CLTC: variants seen among roughly 807,000 people sequenced by gnomAD.
CLTC encodes clathrin heavy chain 1.
In CLTC, 16 loss-of-function variants were observed where a neutral mutation model predicts 195.8. The observed-to-expected ratio is 0.08, with a 90% CI of 0.06 to 0.12. The LOEUF (loss-of-function observed/expected upper bound fraction) is 0.12, where lower values mean the gene tolerates loss of function less well. CLTC is among the 10% of genes least tolerant of loss of function. The pLI, the probability that CLTC is intolerant of heterozygous loss-of-function variation, is 1.00. For synonymous variants in CLTC, 667 were observed against 689.4 expected (o/e 0.97, Z 0.51); for missense variants, 796 against 2,027.0 (o/e 0.39, Z 11.66).
In CLTC at chr17:59,666,026, A is replaced by G. The variant is rs538386470; in HGVS notation, c.1645-77A>G. 2.1e-4 allele frequency: 229 copies of G among 1,101,912 alleles called. 3 individuals carry two copies. The South Asian group carries it at 2.7e-3, about 13-fold the overall frequency. 68.3% of individuals were successfully genotyped at this position (1,101,912 alleles called of 1,614,324 possible). On this transcript the variant is annotated intron_variant, in intron 10 of 31. Transcript: ENST00000269122. The surrounding 1 kb of genome is among the most constrained non-coding windows in gnomAD (Gnocchi z 4.9). Reference sequence around the variant, plus strand: ...GTCCAAATAAAATTCTCAGGTAAAGAAAGAGTTCATGCATAATTTTGTCTA... The same window carrying G: ...GTCCAAATAAAATTCTCAGGTAAAGGAAGAGTTCATGCATAATTTTGTCTA...
At chr17:59,677,462 T>C (rs974568068) in intron 17 of CLTC, among the ~76,000 whole-genome samples, 1 of 152,232 alleles carries the variant, frequency 6.6e-6, no homozygotes, top group African/African-American at 2.4e-5. Context: ...TTCATACATA[T>C]GTGTATACAC....
At chr17:59,643,132 GGT>G (rs59380117) in intron 1 of CLTC, among the ~76,000 whole-genome samples, 4,000 of 142,152 alleles carry the variant, frequency 0.028, 136 homozygotes, top group African/African-American at 0.091. Context: ...TCTTTTCTGG[GGT>G]GTGTGTGTGT....
In CLTC at chr17:59,682,354, G is replaced by T; in HGVS notation, c.3526G>T (p.Ala1176Ser). Residue 1176 changes from alanine (A) to serine (S), a missense_variant, in exon 22 of 32, where the codon GCA (alanine) becomes TCA (serine). Physicochemically the swap from Ala to Ser is moderately conservative, Grantham distance 99 (BLOSUM62 1). Transcript: ENST00000269122. This position sits in a 1 kb window ranked among gnomAD's most constrained non-coding sequence, Gnocchi z 6.8. ...ESYVETELIF[A>S]LAKTNRLAEL... ...CTATGTGGAGACAGAACTGATATTCGCACTGGCTAAAACAAACCGCCTTGC... is the reference window on the plus strand; with the variant it reads ...CTATGTGGAGACAGAACTGATATTCTCACTGGCTAAAACAAACCGCCTTGC... 6.2e-7 allele frequency: 1 copy of T among 1,614,064 alleles called. No homozygotes were observed. Among genetic ancestry groups the T allele is most frequent in the East Asian group, 2.2e-5 (1 of 44,876 alleles).
rs772486435 is a variant in CLTC, at chr17:59,681,705, A to G, written c.3308A>G (p.Asn1103Ser). Residue 1103 changes from asparagine to serine, a missense_variant, in exon 21 of 32, where the codon AAT (asparagine) becomes AGT (serine). Asn to Ser is a conservative substitution (Grantham distance 46). Transcript: ENST00000269122. This position sits in a 1 kb window ranked among gnomAD's most constrained non-coding sequence, Gnocchi z 5.0. ...DRAYEFAERC[N>S]EPAVWSQLAK... The stretch of plus-strand genomic sequence containing the variant: ...GCATATGAGTTTGCTGAACGTTGCA[A>G]TGAACCTGCGGTCTGGAGTCAACTT... 4.3e-6 allele frequency: 7 copies of G among 1,613,952 alleles called. No individual in the cohort carries two copies. Among genetic ancestry groups the G allele is most frequent in the African/African-American group, 1.3e-5 (1 of 74,912 alleles).
chr17:59,690,829 C>A, intron 31 of CLTC, 118 bp downstream of exon 31: 1 of 626,628 alleles, frequency 1.6e-6, no homozygotes, highest in Non-Finnish European at 2.7e-6. Context: ...CTAAGAAATA[C>A]TGCTCTCTAC....
chr17:59,624,375 T>C (rs539047036), intron 1 of CLTC, among the ~76,000 whole-genome samples: 1 of 151,976 alleles, frequency 6.6e-6, no homozygotes, highest in Non-Finnish European at 1.5e-5. Flanking sequence ...AACAATGTGG[T>C]ATAGTAGACA....
Position 59,696,935 on chromosome 17 carries a change from G to C in CLTC, c.*3083G>C, listed in dbSNP as rs1193499133. ...GGTGAACATGAAACACTGCACAGTA[G>C]GTTGTATCAATGCTATAAAACTCAA... On this transcript the variant is annotated 3_prime_UTR_variant, in exon 32 of 32. Transcript: ENST00000269122. The C allele has an allele frequency of 5.0e-6, 1 of 198,666 alleles. No individual in the cohort carries two copies. Among genetic ancestry groups the C allele is most frequent in the Non-Finnish European group, 1.0e-5 (1 of 95,668 alleles). 12.3% of individuals were successfully genotyped at this position (198,666 alleles called of 1,614,324 possible). A position where few individuals can be genotyped will look rare whatever the true frequency, so the allele number is the denominator to read the frequency against.
intron 17 of CLTC, among the ~76,000 whole-genome samples, chr17:59,678,922 A>G (rs1334850429): frequency 6.6e-6 from 1 of 152,180 alleles, no homozygotes; most frequent in African/African-American, 2.4e-5. Context: ...GGATCACTTG[A>G]GCCCAGGAGG....
chr17:59,622,696 ATCTTTGG>A (rs1324267008), intron 1 of CLTC, among the ~76,000 whole-genome samples: 5 of 152,188 alleles, frequency 3.3e-5, no homozygotes, highest in Admixed American at 2.0e-4. Context: ...TTTAATTGGC[ATCTTTGG>A]TCTTTGACCT....
Position 59,685,862 on chromosome 17 carries a change from A to G in CLTC, c.4827+54A>G. On this transcript the variant is annotated intron_variant, in intron 30 of 31. Transcript: ENST00000269122. This position sits in a 1 kb window ranked among gnomAD's most constrained non-coding sequence, Gnocchi z 5.0. The stretch of plus-strand genomic sequence containing the variant: ...CTAGTTTCCTTGCATGTAAAATTCT[A>G]CATGCACATTAATTTTTTTAAATGC... 7.7e-7 allele frequency: 1 copy of G among 1,290,756 alleles called. No individual in the cohort carries two copies. The highest frequency in any genetic ancestry group is 1.4e-5 in the South Asian group (1 of 70,396). The allele number at this position is 1,290,756 out of a possible 1,614,324, so 80.0% of individuals were successfully genotyped here.
At position 59,645,372 on chromosome 17, in the gene CLTC, C is replaced by T. The variant is rs142868307; in HGVS notation, c.250+889C>T. On this transcript the variant is annotated intron_variant, in intron 2 of 31. Transcript: ENST00000269122. ...TATTCAGACTAACTTTTTAATTGTCCCAACAAGGGAACTGTGCAGCTTAAG... is the reference window on the plus strand; with the variant it reads ...TATTCAGACTAACTTTTTAATTGTCTCAACAAGGGAACTGTGCAGCTTAAG... Among the ~76,000 whole-genome samples, 333 of 152,124 alleles carry T rather than the reference C, an allele frequency of 2.2e-3. 3 individuals are homozygous for T. The highest frequency in any genetic ancestry group is 7.6e-3 in the African/African-American group (317 of 41,496).
chr17:59,631,593 G>A (rs1035737997), intron 1 of CLTC, among the ~76,000 whole-genome samples: 1 of 152,194 alleles, frequency 6.6e-6, no homozygotes, highest in Non-Finnish European at 1.5e-5. Flanking sequence ...AATTGGTTCT[G>A]AAATCAGTTA....
intron 10 of CLTC, among the ~76,000 whole-genome samples, chr17:59,665,412 T>C (rs770623118): frequency 6.6e-6 from 1 of 152,114 alleles, no homozygotes; most frequent in African/African-American, 2.4e-5. Context: ...ATTAAAAATA[T>C]GAAAAATACA....
intron 30 of CLTC, among the ~76,000 whole-genome samples, chr17:59,687,486 G>C (rs2033208846): frequency 6.7e-6 from 1 of 150,018 alleles, no homozygotes; most frequent in Non-Finnish European, 1.5e-5. Context: ...GGCTTTTTGG[G>C]GTTTTTTTTT....
intron 6 of CLTC, 63 bp from the exon 7 acceptor site, chr17:59,660,328 G>C (rs1306800956): frequency 7.0e-7 from 1 of 1,432,044 alleles, no homozygotes; most frequent in Admixed American, 1.7e-5. Context: ...GTTCTAAACA[G>C]ATTTGGTATC....
At chr17:59,674,586 C>A in intron 15 of CLTC, 115 bp from the exon 16 acceptor site, 1 of 924,174 alleles carries the variant, frequency 1.1e-6, no homozygotes, top group Non-Finnish European at 1.6e-6. Context: ...AATTTAAAAA[C>A]TGAACTTAAA....
At chr17:59,688,452 C>A (rs977710365) in intron 30 of CLTC, among the ~76,000 whole-genome samples, 3 of 152,104 alleles carry the variant, frequency 2.0e-5, no homozygotes, top group African/African-American at 7.2e-5. Flanking sequence ...CTTTTTAAAT[C>A]CAAGGATCAG....
chr17:59,632,228 C>T (rs1439315110), intron 1 of CLTC, among the ~76,000 whole-genome samples: 8 of 151,440 alleles, frequency 5.3e-5, no homozygotes, highest in East Asian at 2.0e-4. Flanking sequence ...ATTAGCTGGG[C>T]GCGGTGGCGG....
chr17:59,662,468 C>T (rs550614447), intron 8 of CLTC, among the ~76,000 whole-genome samples: 15 of 152,210 alleles, frequency 9.9e-5, no homozygotes, highest in African/African-American at 3.6e-4. Flanking sequence ...AGTGTTAATT[C>T]CTTTCACACC....
Sources: gnomAD v4.1 joint callset for allele counts (sites outside exome capture counted in the v4.1 genomes callset) on GRCh38, gnomAD v4.1.1 for gene constraint, Gnocchi (gnomAD v3.1) non-coding constraint, MANE v1.5 for transcripts, NCBI Gene and HGNC (gene_info 2026-07-23, HGNC 2026-07-21) for gene names.